Variants in VPS54 observed in about 807,000 individuals in gnomAD.
The protein encoded by VPS54 is vacuolar protein sorting-associated protein 54.
Under a neutral mutation model 121.5 loss-of-function variants are expected in VPS54, and 45 were observed. The ratio of observed to expected loss-of-function variants is 0.37; its 90% CI spans 0.29 to 0.47. The LOEUF (loss-of-function observed/expected upper bound fraction) is 0.47. VPS54 is among the 20% of genes least tolerant of loss of function. VPS54 has a pLI of 0.99. For missense variants in VPS54, 1,090 were observed against 1,131.4 expected (o/e 0.96, Z 0.52); for synonymous variants, 371 against 385.8 (o/e 0.96, Z 0.45).
At chr2:63,895,955 A>G (rs763776946) in intron 22 of VPS54, among the ~76,000 whole-genome samples, 7 of 152,230 alleles carry the variant, frequency 4.6e-5, no homozygotes, top group Non-Finnish European at 8.8e-5. Context: ...TGGGAATAAA[A>G]GTAAAAGGGT....
intron 1 of VPS54, among the ~76,000 whole-genome samples, chr2:64,013,672 C>T (rs1001839660): frequency 7.1e-6 from 1 of 140,420 alleles, no homozygotes; most frequent in East Asian, 2.0e-4. Context: ...ATATATATAT[C>T]TATATATTGA....
At chr2:63,958,559 T>A (rs1172534412) in intron 7 of VPS54, among the ~76,000 whole-genome samples, 4 of 151,936 alleles carry the variant, frequency 2.6e-5, no homozygotes, top group African/African-American at 9.7e-5. Context: ...ACAAAAAAAT[T>A]TAAAAATTAG....
chr2:63,999,757 C>A (rs761050548), intron 1 of VPS54, among the ~76,000 whole-genome samples: 1 of 152,082 alleles, frequency 6.6e-6, no homozygotes, highest in African/African-American at 2.4e-5. Context: ...TTTCTAAATC[C>A]CGTAGGTGTG....
intron 1 of VPS54, among the ~76,000 whole-genome samples, chr2:64,009,319 C>A (rs1221956481): frequency 1.3e-5 from 2 of 151,958 alleles, no homozygotes; most frequent in Non-Finnish European, 2.9e-5. Flanking sequence ...TATACATTTT[C>A]TTTTCTTTTT....
chr2:64,011,995 T>C (rs910888426), intron 1 of VPS54, among the ~76,000 whole-genome samples: 5 of 152,206 alleles, frequency 3.3e-5, no homozygotes, highest in Non-Finnish European at 7.4e-5. Flanking sequence ...TATTAAATGT[T>C]AGTTTAAGGG....
intron 16 of VPS54, 100 bp from the exon 17 acceptor site, chr2:63,914,387 C>T (rs1165594829): frequency 3.9e-6 from 3 of 768,666 alleles, no homozygotes; most frequent in Middle Eastern, 3.6e-4. Context: ...CAAAGGATCT[C>T]TGAGAATATA....
chr2:63,999,867 G>T (rs145263637), intron 1 of VPS54, among the ~76,000 whole-genome samples: 1 of 151,646 alleles, frequency 6.6e-6, no homozygotes, highest in Admixed American at 6.6e-5. Context: ...ATCAACTGCC[G>T]TTTTTTGTTT....
At chr2:64,008,662 C>T (rs1288913679) in intron 1 of VPS54, among the ~76,000 whole-genome samples, 1 of 152,018 alleles carries the variant, frequency 6.6e-6, no homozygotes, top group Admixed American at 6.6e-5. Context: ...CTCCTGTGCC[C>T]AATGTGTGAG....
chr2:63,958,447 G>C (rs1359038095), intron 7 of VPS54, among the ~76,000 whole-genome samples: 1 of 152,156 alleles, frequency 6.6e-6, no homozygotes, highest in Non-Finnish European at 1.5e-5. Flanking sequence ...TGAAAACAGA[G>C]ATTTGCATTT....
intron 7 of VPS54, among the ~76,000 whole-genome samples, chr2:63,958,719 A>G (rs1172599501): frequency 6.6e-6 from 1 of 152,204 alleles, no homozygotes; most frequent in Non-Finnish European, 1.5e-5. Context: ...GCATATATAT[A>G]TTAAATAGAA....
At chr2:63,916,798 T>A in intron 16 of VPS54, 102 bp downstream of exon 16, 1 of 1,152,556 alleles carries the variant, frequency 8.7e-7, no homozygotes, top group Non-Finnish European at 1.3e-6. Flanking sequence ...TTAACACTGT[T>A]AAAACTGTTA....
At chr2:63,926,748 G>A (rs1482431422) in intron 12 of VPS54, among the ~76,000 whole-genome samples, 3 of 152,156 alleles carry the variant, frequency 2.0e-5, no homozygotes, top group Non-Finnish European at 2.9e-5. Context: ...GAAGCTGTGA[G>A]TAACTGCACC....
At chr2:63,922,619 A>G (rs1673696729) in intron 12 of VPS54, among the ~76,000 whole-genome samples, 2 of 152,210 alleles carry the variant, frequency 1.3e-5, no homozygotes, top group Admixed American at 6.5e-5. Flanking sequence ...AGTTAAAGTG[A>G]CCTATCCAAG....
intron 14 of VPS54, 109 bp downstream of exon 14, chr2:63,920,337 C>A: frequency 1.9e-6 from 2 of 1,074,758 alleles, no homozygotes; most frequent in East Asian, 3.0e-5. Flanking sequence ...TTAAAAAAAC[C>A]TTTATCAGGC....
chr2:63,949,307 A>C lies in VPS54; in HGVS notation c.1011-144T>G, dbSNP rs983953163. The C allele has an allele frequency of 9.2e-6, 7 of 764,044 alleles. No individual in the cohort carries two copies. The African/African-American group carries it at 1.1e-4, about 12-fold the overall frequency. 47.3% of individuals were successfully genotyped at this position (764,044 alleles called of 1,614,324 possible). Reference sequence around the variant, plus strand: ...ATGTTTTCAAAAAATGAAGTCCTTTAACTTACCAAAATAACTGCAAACATT... The same window carrying C: ...ATGTTTTCAAAAAATGAAGTCCTTTCACTTACCAAAATAACTGCAAACATT... On this transcript the variant is annotated intron_variant, in intron 7 of 22. Transcript: ENST00000272322.
At chr2:64,016,367 G>A (rs1304865152) in intron 1 of VPS54, among the ~76,000 whole-genome samples, 1 of 152,062 alleles carries the variant, frequency 6.6e-6, no homozygotes, top group Non-Finnish European at 1.5e-5. Context: ...CATGTACACT[G>A]ATTTTAAAGG....
intron 1 of VPS54, among the ~76,000 whole-genome samples, chr2:64,016,863 CT>C (rs1678722199): frequency 6.6e-6 from 1 of 151,950 alleles, no homozygotes; most frequent in Non-Finnish European, 1.5e-5. Context: ...CCTGACTAGG[CT>C]TCCCAAAGTG....
At position 63,972,176 on chromosome 2, in the gene VPS54, TA is replaced by T; in HGVS notation, c.446del (p.Leu149TyrfsTer19). ...AACACATATTCATACCATGAGTATG[TA>T]AAAGAGTCCTTTCGAAGGTATCTTT... ...PPKDTFERTL[L>X]HTHDKSRTDL... On this transcript the variant is annotated frameshift_variant, in exon 4 of 23. Coordinates refer to ENST00000272322, the MANE Select transcript of VPS54 (RefSeq NM_016516.3). LOFTEE classifies it high-confidence loss of function. The T allele has an allele frequency of 6.3e-7, 1 of 1,582,848 alleles. No homozygotes were observed. Among genetic ancestry groups the T allele is most frequent in the South Asian group, 1.2e-5 (1 of 86,544 alleles).
At chr2:63,978,511 G>A (rs1676652378) in intron 3 of VPS54, among the ~76,000 whole-genome samples, 1 of 150,334 alleles carries the variant, frequency 6.7e-6, no homozygotes, top group Non-Finnish European at 1.5e-5. Context: ...TTCTGTAAAT[G>A]TTTGGTAGAA....
Sources: allele counts gnomAD v4.1 joint callset (sites outside exome capture counted in the v4.1 genomes callset), GRCh38; gene constraint gnomAD v4.1.1; transcripts MANE v1.5; gene names NCBI Gene and HGNC (gene_info 2026-07-23, HGNC 2026-07-21).